SLC29A4: variants seen among roughly 807,000 people sequenced by gnomAD.
The protein encoded by SLC29A4 is solute carrier family 29 member 4, also known as equilibrative nucleoside transporter 4.
A neutral mutation model predicts 43.9 loss-of-function variants in SLC29A4; 36 were observed. The ratio of observed to expected loss-of-function variants is 0.82; its 90% CI spans 0.63 to 1.08. The LOEUF (loss-of-function observed/expected upper bound fraction) is 1.08, where lower values mean the gene tolerates loss of function less well. Ranked by LOEUF, SLC29A4 falls within the 50% of genes least tolerant of loss-of-function variation. The pLI is 0.00. For synonymous variants in SLC29A4, 491 were observed against 338.0 expected (o/e 1.45, Z -4.97); for missense variants, 869 against 755.3 (o/e 1.15, Z -1.77).
chr7:5,284,032 A>ACCCCCCCCCCCCCC (rs79051188), intron 1 of SLC29A4, among the ~76,000 whole-genome samples: 41 of 72,334 alleles, frequency 5.7e-4, no homozygotes, highest in African/African-American at 7.1e-4. Flanking sequence ...GAGCTGCACG[A>ACCCCCCCCCCCCCC]CCCCCCCCCC....
chr7:5,284,439 T>A (rs949042700), intron 1 of SLC29A4, among the ~76,000 whole-genome samples: 4 of 152,096 alleles, frequency 2.6e-5, no homozygotes, highest in Non-Finnish European at 5.9e-5. Flanking sequence ...GCCTGAGGGG[T>A]GGCCTCAAGG....
At position 5,303,985 on chromosome 7, in the gene SLC29A4, C is replaced by G. The variant is rs976901584; in HGVS notation, c.*1046C>G. On this transcript the variant is annotated 3_prime_UTR_variant, in exon 11 of 11. Coordinates refer to ENST00000396872, the MANE Select transcript of SLC29A4 (RefSeq NM_153247.4). ...CCGGCTGTGACTGCCCTGTTTCACC[C>G]CTGCTGTGTCCCATCCCCCGTCTGT... 1.3e-5 allele frequency: 2 copies of G among 152,392 alleles called. No homozygotes were observed. The highest frequency in any genetic ancestry group is 4.8e-5 in the African/African-American group (2 of 41,466). The allele number at this position is 152,392 out of a possible 1,614,324, so 9.4% of individuals were successfully genotyped here.
At chr7:5,301,420 G>A (rs1237222039) in intron 10 of SLC29A4, among the ~76,000 whole-genome samples, 1 of 152,144 alleles carries the variant, frequency 6.6e-6, no homozygotes, top group African/African-American at 2.4e-5. Context: ...TCACTGAGGA[G>A]GTGACTTGTG....
Position 5,284,032 on chromosome 7 carries a change from A to ACCC in SLC29A4, c.-9+959_-9+961dup, listed in dbSNP as rs79051188. 1.1e-3 allele frequency among the ~76,000 whole-genome samples: 81 copies of ACCC among 72,312 alleles called. 2 individuals are homozygous for ACCC. Among genetic ancestry groups the ACCC allele is most frequent in the African/African-American group, 3.3e-3 (65 of 19,812 alleles). The allele number at this position is 72,312 out of a possible 152,430, so 47.4% of individuals were successfully genotyped here. A position where few individuals can be genotyped will look rare whatever the true frequency, so the allele number is the denominator to read the frequency against. On this transcript the variant is annotated intron_variant, in intron 1 of 10. Coordinates refer to ENST00000396872, the MANE Select transcript of SLC29A4 (RefSeq NM_153247.4). ...GCCAGGCTCCAGTCTGAGCTGCACG[A>ACCC]CCCCCCCCCCCACCCCCGACTTGGC...
chr7:5,302,960 G>C lies in SLC29A4; in HGVS notation c.*21G>C, dbSNP rs1786277437. ...TCTGAGCCAGCCCCGCCCACTGCCA[G>C]GGACGCCGAGGGCCTGACCAGGGGC... On this transcript the variant is annotated 3_prime_UTR_variant, in exon 11 of 11. Transcript: ENST00000396872. The C allele has an allele frequency of 3.8e-6, 6 of 1,598,096 alleles. No individual in the cohort carries two copies. The highest frequency in any genetic ancestry group is 5.1e-6 in the Non-Finnish European group (6 of 1,174,114).
At chr7:5,291,912 A>G (rs1347643792) in intron 5 of SLC29A4, 91 bp downstream of exon 5, 3 of 1,519,046 alleles carry the variant, frequency 2.0e-6, no homozygotes, top group South Asian at 1.3e-5. Context: ...GGCATGTGAC[A>G]TGATGGGAAC....
chr7:5,290,630 G>C, intron 2 of SLC29A4, 102 bp from the exon 3 acceptor site: 1 of 1,459,496 alleles, frequency 6.9e-7, no homozygotes, highest in South Asian at 1.3e-5. Context: ...GTGATGGACA[G>C]TGGCTATGGT....
At position 5,287,897 on chromosome 7, in the gene SLC29A4, C is replaced by A. The variant is rs1200446972; in HGVS notation, c.81C>A (p.Thr27=). ...TPDPGVVMSF[T]FDSHQLEEAA... ...ACCCGGGCGTAGTGATGAGCTTCAC[C>A]TTCGACAGTCACCAGCTGGAGGAGG... The change falls in exon 2 of 11, where the codon ACC becomes ACA. Residue 27 remains threonine, a synonymous_variant. Coordinates refer to ENST00000396872, the MANE Select transcript of SLC29A4 (RefSeq NM_153247.4). The A allele has an allele frequency of 1.9e-6, 3 of 1,612,116 alleles. No individual in the cohort carries two copies. The highest frequency in any genetic ancestry group is 2.5e-6 in the Non-Finnish European group (3 of 1,179,836).
chr7:5,296,890 G>C (rs1171045001), intron 6 of SLC29A4, 46 bp from the exon 7 acceptor site: 6 of 1,424,720 alleles, frequency 4.2e-6, no homozygotes, highest in East Asian at 2.3e-5. Flanking sequence ...GGGCGGTGCA[G>C]GGAGCTGGGC....
chr7:5,299,205 G>A (rs1330718202), intron 8 of SLC29A4, 35 bp from the exon 9 acceptor site: 4 of 1,600,214 alleles, frequency 2.5e-6, no homozygotes, highest in Admixed American at 3.4e-5. Context: ...GGTCCCCGTG[G>A]GCGCTGCCTC....
At chr7:5,294,819 A>G in intron 5 of SLC29A4, 41 bp from the exon 6 acceptor site, 1 of 1,592,442 alleles carries the variant, frequency 6.3e-7, no homozygotes, top group Middle Eastern at 1.7e-4. Flanking sequence ...TTGACAGGTG[A>G]TAATGGTGCC....
At chr7:5,291,356 C>T in intron 4 of SLC29A4, 119 bp downstream of exon 4, 1 of 983,680 alleles carries the variant, frequency 1.0e-6, no homozygotes, top group Non-Finnish European at 1.5e-6. Flanking sequence ...GGGCACACTT[C>T]CTAGGGCTGC....
intron 10 of SLC29A4, among the ~76,000 whole-genome samples, chr7:5,301,822 C>T (rs1335576701): frequency 2.0e-5 from 3 of 152,098 alleles, no homozygotes; most frequent in African/African-American, 4.8e-5. Flanking sequence ...CTGGCACTGG[C>T]ACAGACTGAG....
rs1785965873 is a variant in SLC29A4, at chr7:5,299,320, C to G, written c.1102C>G (p.Leu368Val). Reference protein sequence around the residue: ...LSIAVTYFITLCLFPGLESEI... With the variant: ...LSIAVTYFITVCLFPGLESEI... Reference sequence around the variant, plus strand: ...CATCGCCGTGACCTACTTCATCACGCTGTGCCTGTTCCCCGGCCTCGAGTC... The same window carrying G: ...CATCGCCGTGACCTACTTCATCACGGTGTGCCTGTTCCCCGGCCTCGAGTC... The change falls in exon 9 of 11, where the codon CTG (leucine) becomes GTG (valine). Residue 368 changes from leucine to valine, a missense_variant. Leu to Val is a conservative substitution (Grantham distance 32). Transcript: ENST00000396872. The G allele has an allele frequency of 6.2e-7, 1 of 1,612,068 alleles. No individual in the cohort carries two copies.
chr7:5,292,339 CTT>C (rs1023239664), intron 5 of SLC29A4, among the ~76,000 whole-genome samples: 4 of 152,138 alleles, frequency 2.6e-5, no homozygotes, highest in Non-Finnish European at 4.4e-5. Context: ...GTCTTGAACT[CTT>C]AGCCCCAAGC....
At chr7:5,293,051 G>C (rs972697200) in intron 5 of SLC29A4, among the ~76,000 whole-genome samples, 4 of 150,254 alleles carry the variant, frequency 2.7e-5, no homozygotes, top group Admixed American at 6.6e-5. Context: ...ATCCTCTCTA[G>C]ATTCATACCT....
chr7:5,291,357 C>G, intron 4 of SLC29A4, 120 bp downstream of exon 4: 1 of 985,422 alleles, frequency 1.0e-6, no homozygotes, highest in Admixed American at 2.1e-5. Context: ...GGCACACTTC[C>G]TAGGGCTGCC....
At chr7:5,296,489 C>G (rs1447802440) in intron 6 of SLC29A4, among the ~76,000 whole-genome samples, 1 of 118,670 alleles carries the variant, frequency 8.4e-6, no homozygotes, top group Non-Finnish European at 1.7e-5. Flanking sequence ...AGACGGGACT[C>G]AGGACTTAGA....
intron 2 of SLC29A4, among the ~76,000 whole-genome samples, chr7:5,290,518 C>G (rs935779863): frequency 1.3e-5 from 2 of 152,156 alleles, no homozygotes; most frequent in African/African-American, 2.4e-5. Context: ...GCTGCAGTGG[C>G]TGTGAGGGCG....
Sources: gnomAD v4.1 joint callset for allele counts (sites outside exome capture counted in the v4.1 genomes callset) on GRCh38, gnomAD v4.1.1 for gene constraint, MANE v1.5 for transcripts, NCBI Gene and HGNC (gene_info 2026-07-23, HGNC 2026-07-21) for gene names.